Variants in ZFYVE16 observed in about 807,000 individuals in gnomAD.
The protein encoded by ZFYVE16 is zinc finger FYVE domain-containing protein 16.
ZFYVE16 carries 89 observed loss-of-function variants against 138.1 expected under a neutral mutation model. The observed-to-expected ratio is 0.64, with a 90% CI of 0.54 to 0.77. ZFYVE16 has a LOEUF of 0.77. Ranked by LOEUF, ZFYVE16 falls within the 30% of genes least tolerant of loss-of-function variation. The probability of loss-of-function intolerance (pLI) is 0.00; values close to 1 mark genes in which losing one functional copy is unlikely to be tolerated. For synonymous variants in ZFYVE16, 596 were observed against 618.3 expected (o/e 0.96, Z 0.53); for missense variants, 1,793 against 1,786.7 (o/e 1.00, Z -0.06).
chr5:80,434,441 T>C (rs1460119764), intron 3 of ZFYVE16, among the ~76,000 whole-genome samples: 1 of 152,196 alleles, frequency 6.6e-6, no homozygotes, highest in Non-Finnish European at 1.5e-5. Flanking sequence ...TTTTTCTAGA[T>C]ACAAATTAGC....
intron 1 of ZFYVE16, among the ~76,000 whole-genome samples, chr5:80,417,613 A>G (rs1041989442): frequency 4.6e-5 from 7 of 152,198 alleles, no homozygotes; most frequent in Non-Finnish European, 1.0e-4. Flanking sequence ...ACTTGGCAGT[A>G]TACAGTAAGA....
At chr5:80,473,605 G>T in intron 16 of ZFYVE16, 149 bp from the exon 17 acceptor site, 1 of 492,120 alleles carries the variant, frequency 2.0e-6, no homozygotes, top group East Asian at 3.6e-5. Flanking sequence ...CTTGGTAAAT[G>T]AATGTGAACT....
At chr5:80,471,865 T>A (rs1754416579) in intron 15 of ZFYVE16, among the ~76,000 whole-genome samples, 2 of 152,182 alleles carry the variant, frequency 1.3e-5, no homozygotes, top group South Asian at 4.1e-4. Context: ...TTTGTAGAAA[T>A]CCTAAGGTGT....
intron 2 of ZFYVE16, 65 bp downstream of exon 2, chr5:80,427,610 C>CTTTTTTTTTT: frequency 5.8e-4 from 29 of 49,994 alleles, no homozygotes; most frequent in Non-Finnish European, 9.0e-4. Flanking sequence ...CTGTCGTATG[C>CTTTTTTTTTT]TTTTTTTTTT....
intron 16 of ZFYVE16, 119 bp from the exon 17 acceptor site, chr5:80,473,635 A>T: frequency 1.6e-6 from 1 of 628,610 alleles, no homozygotes; most frequent in Non-Finnish European, 2.6e-6. Context: ...GTTATTTTGT[A>T]TATAATTGAC....
chr5:80,451,455 A>G, intron 10 of ZFYVE16, 30 bp from the exon 11 acceptor site: 1 of 1,543,224 alleles, frequency 6.5e-7, no homozygotes, highest in Admixed American at 2.0e-5. Flanking sequence ...AAACAACTTA[A>G]AATCTTTTTA....
At chr5:80,463,789 G>A (rs1561322680) in intron 15 of ZFYVE16, among the ~76,000 whole-genome samples, 1 of 152,118 alleles carries the variant, frequency 6.6e-6, no homozygotes, top group Non-Finnish European at 1.5e-5. Context: ...CCTCTTGAAT[G>A]CTTTGCTGCT....
In ZFYVE16 at chr5:80,437,438, A is replaced by G. The variant is rs766930525; in HGVS notation, c.753A>G (p.Gln251=). 4.9e-5 allele frequency: 79 copies of G among 1,602,270 alleles called. No individual in the cohort carries two copies. In the South Asian group the frequency reaches 5.5e-4, roughly 11 times the overall value. ...ACATGTCATCTGCTTTGACTCGACA[A>G]AGTTCCAAAATGTTTCATGCCAAAG... ...DFNMSSALTR[Q]SSKMFHAKDK... Residue 251 remains glutamine (Q), a synonymous_variant, in exon 4 of 19, where the codon CAA becomes CAG. Coordinates refer to ENST00000505560, the MANE Select transcript of ZFYVE16 (RefSeq NM_001284236.3).
Position 80,481,720 on chromosome 5 carries a change from G to A in ZFYVE16, c.*4343G>A, listed in dbSNP as rs1755277426. Among the ~76,000 whole-genome samples, 1 of 152,182 alleles carries A rather than the reference G, an allele frequency of 6.6e-6. No individual in the cohort carries two copies. The highest frequency in any genetic ancestry group is 2.1e-4 in the South Asian group (1 of 4,832). ...CCCAAAATGATTGGACAAAGAACTTGTGAAACCTAAGCAACTCTCTAGGGA... is the reference window on the plus strand; with the variant it reads ...CCCAAAATGATTGGACAAAGAACTTATGAAACCTAAGCAACTCTCTAGGGA... On this transcript the variant is annotated 3_prime_UTR_variant, in exon 19 of 19. Coordinates refer to ENST00000505560, the MANE Select transcript of ZFYVE16 (RefSeq NM_001284236.3).
In ZFYVE16 at chr5:80,483,085, T is replaced by G. The variant is rs1186965312; in HGVS notation, c.*5708T>G. 1 of 152,232 alleles carries G rather than the reference T, an allele frequency of 6.6e-6. No homozygotes were observed. Among genetic ancestry groups the G allele is most frequent in the African/African-American group, 2.4e-5 (1 of 41,438 alleles). The allele number at this position is 152,232 out of a possible 1,614,324, so 9.4% of individuals were successfully genotyped here. Reference sequence around the variant, plus strand: ...AGTTTCACCATGTTGGTCAGGATGGTCTCAAACTCCTGACCTCAGGTGATC... The same window carrying G: ...AGTTTCACCATGTTGGTCAGGATGGGCTCAAACTCCTGACCTCAGGTGATC... On this transcript the variant is annotated 3_prime_UTR_variant, in exon 19 of 19. Coordinates refer to ENST00000505560, the MANE Select transcript of ZFYVE16 (RefSeq NM_001284236.3).
intron 15 of ZFYVE16, among the ~76,000 whole-genome samples, chr5:80,460,795 T>C (rs1753019956): frequency 6.6e-6 from 1 of 152,204 alleles, no homozygotes; most frequent in Non-Finnish European, 1.5e-5. Context: ...TTCCATACTA[T>C]TTTATTATCA....
At chr5:80,429,549 A>G (rs1404024132) in intron 2 of ZFYVE16, among the ~76,000 whole-genome samples, 1 of 152,206 alleles carries the variant, frequency 6.6e-6, no homozygotes, top group Admixed American at 6.5e-5. Flanking sequence ...TCAACTAACG[A>G]GCAAAATCAC....
chr5:80,438,550 G>T lies in ZFYVE16; in HGVS notation c.1865G>T (p.Gly622Val). The T allele has an allele frequency of 1.2e-6, 2 of 1,613,980 alleles. No homozygotes were observed. The highest frequency in any genetic ancestry group is 1.3e-5 in the African/African-American group (1 of 74,994). ...GEKSTIPVQQ[G>V]LPTSKSEITN... ...AAAAGCACTATTCCAGTTCAACAAG[G>T]GTTACCTACCAGTAAGTCTGAGATT... Residue 622 changes from glycine (G) to valine (V), a missense_variant, in exon 4 of 19, where the codon GGG becomes GTG. Physicochemically the swap from Gly to Val is moderately radical, Grantham distance 109 (BLOSUM62 -3). Transcript: ENST00000505560.
intron 1 of ZFYVE16, among the ~76,000 whole-genome samples, chr5:80,409,228 C>T (rs1321666450): frequency 6.6e-6 from 1 of 152,130 alleles, no homozygotes; most frequent in African/African-American, 2.4e-5. Flanking sequence ...AGCATTTCCC[C>T]ATGTTTTTAA....
At chr5:80,476,238 C>G (rs2112563914) in intron 18 of ZFYVE16, among the ~76,000 whole-genome samples, 1 of 152,218 alleles carries the variant, frequency 6.6e-6, no homozygotes, top group South Asian at 2.1e-4. Flanking sequence ...CACCTGGCCT[C>G]CCCCATATCC....
At chr5:80,456,616 C>T in intron 13 of ZFYVE16, 51 bp downstream of exon 13, 1 of 1,485,602 alleles carries the variant, frequency 6.7e-7, no homozygotes, top group Non-Finnish European at 9.2e-7. Context: ...TTAGAGTTCC[C>T]TTAGAATTGT....
chr5:80,438,749 T>C lies in ZFYVE16; in HGVS notation c.2064T>C (p.Thr688=), dbSNP rs376296462. 1.2e-6 allele frequency: 2 copies of C among 1,614,126 alleles called. No individual in the cohort carries two copies. The highest frequency in any genetic ancestry group is 1.7e-6 in the Non-Finnish European group (2 of 1,179,980). The change falls in exon 4 of 19, where the codon ACT becomes ACC. Residue 688 remains threonine, a synonymous_variant. Transcript: ENST00000505560. ...PSTADTVVPI[T]CAIDSTADPQ... ...CAGCAGATACCGTTGTTCCAATCAC[T>C]TGTGCTATAGATTCTACAGCTGATC...
rs1450170136 is a variant in ZFYVE16 at position 80,408,095 on chromosome 5, C to G, written c.-152C>G. ...AGGACTCCCGGCCGGGGTAGCTCTT[C>G]ACTCCTCAGCGCGACGTCGTGTCGA... On this transcript the variant is annotated 5_prime_UTR_variant, in exon 1 of 19. Transcript: ENST00000505560. 1 of 152,262 alleles carries G rather than the reference C, an allele frequency of 6.6e-6. No homozygotes were observed. The highest frequency in any genetic ancestry group is 1.5e-5 in the Non-Finnish European group (1 of 68,062). 9.4% of individuals were successfully genotyped at this position (152,262 alleles called of 1,614,324 possible). A position where few individuals can be genotyped will look rare whatever the true frequency, so the allele number is the denominator to read the frequency against.
In ZFYVE16 at chr5:80,408,085, G is replaced by C. The variant is rs1344417023; in HGVS notation, c.-162G>C. ...TGGCACTCCCAGGACTCCCGGCCGGGGTAGCTCTTCACTCCTCAGCGCGAC... is the reference window on the plus strand; with the variant it reads ...TGGCACTCCCAGGACTCCCGGCCGGCGTAGCTCTTCACTCCTCAGCGCGAC... On this transcript the variant is annotated 5_prime_UTR_variant, in exon 1 of 19. Transcript: ENST00000505560. 2 of 152,282 alleles carry C rather than the reference G, an allele frequency of 1.3e-5. No individual in the cohort carries two copies. The highest frequency in any genetic ancestry group is 4.8e-5 in the African/African-American group (2 of 41,470). 9.4% of individuals were successfully genotyped at this position (152,282 alleles called of 1,614,324 possible). A position where few individuals can be genotyped will look rare whatever the true frequency, so the allele number is the denominator to read the frequency against.
Sources: gnomAD v4.1 joint callset for allele counts (sites outside exome capture counted in the v4.1 genomes callset) on GRCh38, gnomAD v4.1.1 for gene constraint, MANE v1.5 for transcripts, NCBI Gene and HGNC (gene_info 2026-07-23, HGNC 2026-07-21) for gene names.